The following SCAF1 variants were observed in gnomAD, a reference collection of about 807,000 sequenced individuals.
The protein encoded by SCAF1 is SR-related CTD associated factor 1.
Under a neutral mutation model 91.2 loss-of-function variants are expected in SCAF1, and 28 were observed. That is an observed-to-expected ratio of 0.31 (90% CI 0.23 to 0.42). The LOEUF (loss-of-function observed/expected upper bound fraction) is 0.42. Ranked by LOEUF, SCAF1 falls within the 10% of genes least tolerant of loss-of-function variation. The pLI is 1.00. For synonymous variants in SCAF1, 1,036 were observed against 833.7 expected (o/e 1.24, Z -4.18); for missense variants, 1,893 against 1,872.1 (o/e 1.01, Z -0.21).
chr19:49,647,107 G>A (rs138919651), intron 6 of SCAF1, among the ~76,000 whole-genome samples: 166 of 152,318 alleles, frequency 1.1e-3, no homozygotes, highest in African/African-American at 3.8e-3. Flanking sequence ...CCCAGGAGGG[G>A]GACTCTTCGA....
intron 6 of SCAF1, among the ~76,000 whole-genome samples, chr19:49,647,322 T>G (rs2081061278): frequency 1.3e-5 from 2 of 152,220 alleles, no homozygotes. Context: ...CTGTGAGCCC[T>G]TTAGACCAAA....
rs772966256 is a variant in SCAF1 at position 49,652,107 on chromosome 19, G to T, written c.1718G>T (p.Arg573Leu). ...GSHASSSARR[R>L]SRSRSRSRST... Reference sequence around the variant, plus strand: ...CACGCCTCGTCGTCCGCCCGCCGCCGCTCCCGCTCCCGCTCCCGCTCCCGC... The same window carrying T: ...CACGCCTCGTCGTCCGCCCGCCGCCTCTCCCGCTCCCGCTCCCGCTCCCGC... Residue 573 changes from arginine (R) to leucine (L), a missense_variant, in exon 7 of 11, where the codon CGC (arginine) becomes CTC (leucine). Coordinates refer to ENST00000360565, the MANE Select transcript of SCAF1 (RefSeq NM_021228.3). 1 of 425,074 alleles carries T rather than the reference G, an allele frequency of 2.4e-6. No homozygotes were observed. The highest frequency in any genetic ancestry group is 9.6e-5 in the South Asian group (1 of 10,426). The allele number at this position is 425,074 out of a possible 1,614,324, so 26.3% of individuals were successfully genotyped here.
At chr19:49,653,927 G>A (rs1198009620) in intron 7 of SCAF1, among the ~76,000 whole-genome samples, 3 of 152,318 alleles carry the variant, frequency 2.0e-5, no homozygotes, top group African/African-American at 7.2e-5. Flanking sequence ...AGACTGGAGT[G>A]GTGGGCTGGG....
At chr19:49,648,422 A>AT (rs936991831) in intron 6 of SCAF1, among the ~76,000 whole-genome samples, 9 of 151,464 alleles carry the variant, frequency 5.9e-5, no homozygotes, top group Admixed American at 2.0e-4. Flanking sequence ...TTTATTTTTT[A>AT]TTTTTTTAAA....
chr19:49,647,792 C>G (rs561063380), intron 6 of SCAF1, among the ~76,000 whole-genome samples: 96 of 151,670 alleles, frequency 6.3e-4, no homozygotes, highest in African/African-American at 2.2e-3. Flanking sequence ...GCCACCACAC[C>G]CAGCTAATTT....
At position 49,651,814 on chromosome 19, in the gene SCAF1, G is replaced by T; in HGVS notation, c.1425G>T (p.Ser475=). Residue 475 remains serine, a synonymous_variant, in exon 7 of 11, where the codon TCG becomes TCT. Coordinates refer to ENST00000360565, the MANE Select transcript of SCAF1 (RefSeq NM_021228.3). ...CTCCCGCGCCGCCCGCCGCCGACTC[G>T]CGCTGGGGCGGCCTGGACCTGCGCC... The part of the protein sequence containing the change: ...EPAPAPPAAD[S]RWGGLDLRRK... 2.4e-6 allele frequency: 3 copies of T among 1,257,404 alleles called. No homozygotes were observed. The highest frequency in any genetic ancestry group is 3.0e-6 in the Non-Finnish European group (3 of 1,002,182). 77.9% of individuals were successfully genotyped at this position (1,257,404 alleles called of 1,614,324 possible). A position where few individuals can be genotyped will look rare whatever the true frequency, so the allele number is the denominator to read the frequency against.
intron 1 of SCAF1, chr19:49,644,691 G>A (rs1457110711): frequency 4.5e-6 from 1 of 224,518 alleles, no homozygotes; most frequent in Non-Finnish European, 8.8e-6. Context: ...AGGGAATGAG[G>A]TCTTGAAGTT....
At chr19:49,650,559 C>T (rs2081079179) in intron 6 of SCAF1, among the ~76,000 whole-genome samples, 1 of 152,142 alleles carries the variant, frequency 6.6e-6, no homozygotes, top group Non-Finnish European at 1.5e-5. Context: ...CAGGCCAGTG[C>T]TGTCTCAGGA....
intron 7 of SCAF1, among the ~76,000 whole-genome samples, chr19:49,654,116 A>C (rs2081123159): frequency 6.6e-6 from 1 of 152,120 alleles, no homozygotes; most frequent in African/African-American, 2.4e-5. Context: ...CTGTCTCATC[A>C]CTGCATGACC....
At position 49,657,846 on chromosome 19, in the gene SCAF1, C is replaced by A; in HGVS notation, c.3704C>A (p.Thr1235Asn). 1 of 1,611,446 alleles carries A rather than the reference C, an allele frequency of 6.2e-7. No individual in the cohort carries two copies. Residue 1235 changes from threonine to asparagine, a missense_variant, in exon 10 of 11, where the codon ACC becomes AAC. By Grantham distance (65) the Thr-to-Asn change is moderately conservative. Transcript: ENST00000360565. ...CCATACTATCAGAAGAAGGACATCA[C>A]CAAGGAGGAGTACAAGGACATCCTG... ...IKPYYQKKDI[T>N]KEEYKDILRK... is the part of the protein sequence containing the mutation.
At position 49,642,331 on chromosome 19, in the gene SCAF1, T is replaced by A. The variant is rs982995371; in HGVS notation, c.-7+89T>A. On this transcript the variant is annotated intron_variant, in intron 1 of 10. Transcript: ENST00000360565. This position sits in a 1 kb window ranked among gnomAD's most constrained non-coding sequence, Gnocchi z 4.0. ...TGGGTCGCTAGTTGTCCCGGGGTCC[T>A]CCCCACAAGCCACGGGTCCTAGAGG... 5 of 151,840 alleles carry A rather than the reference T, an allele frequency of 3.3e-5. No homozygotes were observed. The highest frequency in any genetic ancestry group is 2.9e-5 in the Non-Finnish European group (2 of 67,918). The allele number at this position is 151,840 out of a possible 1,614,324, so 9.4% of individuals were successfully genotyped here.
chr19:49,644,534 G>A (rs1411829528), intron 1 of SCAF1, among the ~76,000 whole-genome samples: 5 of 152,334 alleles, frequency 3.3e-5, no homozygotes, highest in East Asian at 3.9e-4. Context: ...CTAGGAAGCC[G>A]TGTGGTGTTT....
In SCAF1 at chr19:49,645,762, C is replaced by T. The variant is rs972219243; in HGVS notation, c.167-346C>T. On this transcript the variant is annotated intron_variant, in intron 3 of 10. Coordinates refer to ENST00000360565, the MANE Select transcript of SCAF1 (RefSeq NM_021228.3). This position sits in a 1 kb window ranked among gnomAD's most constrained non-coding sequence, Gnocchi z 4.6. ...GATCAGCTGCAGCAGGCCTACAGCA[C>T]GGGTGCAGCGGCGAGGGGCTGCGCT... Among the ~76,000 whole-genome samples the T allele has an allele frequency of 7.9e-5, 12 of 152,106 alleles. No homozygotes were observed. The highest frequency in any genetic ancestry group is 2.9e-4 in the African/African-American group (12 of 41,412).
chr19:49,655,113 CAT>C (rs1285590687), intron 9 of SCAF1, among the ~76,000 whole-genome samples: 2 of 152,298 alleles, frequency 1.3e-5, no homozygotes, highest in East Asian at 3.9e-4. Flanking sequence ...GTACACACCA[CAT>C]ATACACACCC....
chr19:49,651,665 A>T lies in SCAF1; in HGVS notation c.1276A>T (p.Thr426Ser). The T allele has an allele frequency of 7.1e-7, 1 of 1,414,240 alleles. No individual in the cohort carries two copies. Among genetic ancestry groups the T allele is most frequent in the Non-Finnish European group, 9.1e-7 (1 of 1,094,632 alleles). 87.6% of individuals were successfully genotyped at this position (1,414,240 alleles called of 1,614,324 possible). A position where few individuals can be genotyped will look rare whatever the true frequency, so the allele number is the denominator to read the frequency against. ...CCGGCCTACACCGGCCGCCTCGGCC[A>T]CCCCCACGGCCCAGCCCCTTCCTCA... ...AARPTPAASA[T>S]PTAQPLPQPP... The change falls in exon 7 of 11, where the codon ACC (threonine) becomes TCC (serine). Residue 426 changes from threonine to serine, a missense_variant. Thr to Ser is a moderately conservative substitution (Grantham distance 58, BLOSUM62 1). This residue lies in a region of SCAF1 where 1,436 missense variants were observed against 1,306.8 expected (regional missense o/e 1.10). Coordinates refer to ENST00000360565, the MANE Select transcript of SCAF1 (RefSeq NM_021228.3).
chr19:49,651,761 G>A lies in SCAF1; in HGVS notation c.1372G>A (p.Ala458Thr). The change falls in exon 7 of 11, where the codon GCC becomes ACC. Residue 458 changes from alanine (A) to threonine (T), a missense_variant. By Grantham distance (58) the Ala-to-Thr change is moderately conservative (BLOSUM62 0). This residue lies in a region of SCAF1 where 1,436 missense variants were observed against 1,306.8 expected (regional missense o/e 1.10). Coordinates refer to ENST00000360565, the MANE Select transcript of SCAF1 (RefSeq NM_021228.3). ...SLHAESDGEG[A>T]LQVDLGEPAP... ...GCATGCGGAGTCGGACGGCGAGGGC[G>A]CCCTGCAGGTGGACCTAGGGGAGCC... 7.5e-7 allele frequency: 1 copy of A among 1,329,638 alleles called. No individual in the cohort carries two copies. The highest frequency in any genetic ancestry group is 9.6e-7 in the Non-Finnish European group (1 of 1,046,302). 82.4% of individuals were successfully genotyped at this position (1,329,638 alleles called of 1,614,324 possible).
In SCAF1 at chr19:49,652,388, C is replaced by T. The variant is rs1247949868; in HGVS notation, c.1999C>T (p.Pro667Ser). The T allele has an allele frequency of 1.9e-6, 3 of 1,562,246 alleles. No homozygotes were observed. Among genetic ancestry groups the T allele is most frequent in the Non-Finnish European group, 2.6e-6 (3 of 1,157,886 alleles). Residue 667 changes from proline to serine, a missense_variant, in exon 7 of 11, where the codon CCG becomes TCG. Coordinates refer to ENST00000360565, the MANE Select transcript of SCAF1 (RefSeq NM_021228.3). ...DGSEKAPAPA[P>S]PPSGSTSCGD... ...CAGCGAGAAGGCCCCGGCGCCCGCC[C>T]CGCCGCCCTCTGGCTCCACCTCGTG...
Position 49,652,875 on chromosome 19 carries a change from G to T in SCAF1, c.2486G>T (p.Arg829Leu). ...SSSSSSSCSS[R>L]KVKLQSKVAV... ...TCCTCGTCGTCCTCCTGTTCTTCCC[G>T]GAAGGTGAAGCTGCAGTCCAAGGTG... Residue 829 changes from arginine (R) to leucine (L), a missense_variant, in exon 7 of 11, where the codon CGG becomes CTG. Transcript: ENST00000360565. 1.2e-6 allele frequency: 2 copies of T among 1,613,986 alleles called. No individual in the cohort carries two copies. Among genetic ancestry groups the T allele is most frequent in the Non-Finnish European group, 8.5e-7 (1 of 1,179,986 alleles).
intron 6 of SCAF1, among the ~76,000 whole-genome samples, chr19:49,649,997 T>C (rs1008327436): frequency 1.3e-5 from 2 of 152,208 alleles, no homozygotes; most frequent in African/African-American, 4.8e-5. Flanking sequence ...TTGCCTGTGG[T>C]GTGGCCTCTG....
Sources: gnomAD v4.1 joint callset for allele counts (sites outside exome capture counted in the v4.1 genomes callset) on GRCh38, gnomAD v4.1.1 for gene constraint, gnomAD v4.1.1 regional missense constraint, Gnocchi (gnomAD v3.1) non-coding constraint, MANE v1.5 for transcripts, NCBI Gene and HGNC (gene_info 2026-07-23, HGNC 2026-07-21) for gene names.